Variants in PRSS38 observed in about 807,000 individuals in gnomAD.
The protein encoded by PRSS38 is marapsin 2.
Under a neutral mutation model 26.8 loss-of-function variants are expected in PRSS38, and 22 were observed. The observed-to-expected ratio is 0.82, with a 90% CI of 0.59 to 1.17. The LOEUF (loss-of-function observed/expected upper bound fraction) is 1.17. Ranked by LOEUF, PRSS38 falls within the 50% of genes most tolerant of loss-of-function variation. The pLI is 0.00. For missense variants in PRSS38, 427 were observed against 422.7 expected (o/e 1.01, Z -0.09); for synonymous variants, 175 against 172.1 (o/e 1.02, Z -0.13).
At chr1:227,819,994 T>A (rs1328618595) in intron 3 of PRSS38, among the ~76,000 whole-genome samples, 2 of 140,422 alleles carry the variant, frequency 1.4e-5, no homozygotes, top group Non-Finnish European at 3.0e-5. Flanking sequence ...GAGGCTGAGG[T>A]AAGAGAATCA....
intron 3 of PRSS38, among the ~76,000 whole-genome samples, chr1:227,841,229 C>T (rs1377987055): frequency 1.3e-5 from 2 of 152,238 alleles, no homozygotes; most frequent in African/African-American, 4.8e-5. Context: ...CTGGACTCTG[C>T]CCCATGCAAC....
chr1:227,815,879 A>G lies in PRSS38; in HGVS notation c.148+15A>G, dbSNP rs917649503. ...TGGCAGCGTGGGTAGGCCCTGCCCC[A>G]GGGGCGGATGGGCGGCTGGAGACAG... On this transcript the variant is annotated intron_variant, in intron 1 of 4. Transcript: ENST00000366757. The G allele has an allele frequency of 6.3e-7, 1 of 1,590,236 alleles. No individual in the cohort carries two copies. The highest frequency in any genetic ancestry group is 8.6e-7 in the Non-Finnish European group (1 of 1,163,952).
Position 227,816,028 on chromosome 1 carries a change from G to T in PRSS38, c.149-62G>T, listed in dbSNP as rs1422309221. The T allele has an allele frequency of 1.3e-6, 2 of 1,527,952 alleles. No individual in the cohort carries two copies. Among genetic ancestry groups the T allele is most frequent in the African/African-American group, 2.8e-5 (2 of 70,316 alleles). The allele number at this position is 1,527,952 out of a possible 1,614,324, so 94.6% of individuals were successfully genotyped here. On this transcript the variant is annotated intron_variant, in intron 1 of 4. Transcript: ENST00000366757. This position sits in a 1 kb window ranked among gnomAD's most constrained non-coding sequence, Gnocchi z 5.1. ...CCCCTGCCCCTCCCCCACGTCCCCT[G>T]CCTGCCCTACCTCTCCCGTGGCCCC...
At chr1:227,841,611 T>G (rs1665338971) in intron 3 of PRSS38, among the ~76,000 whole-genome samples, 1 of 152,244 alleles carries the variant, frequency 6.6e-6, no homozygotes. Context: ...TTGGCATGAA[T>G]GCTGCTTTAA....
chr1:227,816,356 G>A lies in PRSS38; in HGVS notation c.311+104G>A, dbSNP rs369232751. ...GCAAGCCTCCCCCATCACCATTGTC[G>A]ACTCCCTTCACCACTGTCGACCCGC... On this transcript the variant is annotated intron_variant, in intron 2 of 4. Transcript: ENST00000366757. The surrounding 1 kb of genome is among the most constrained non-coding windows in gnomAD (Gnocchi z 5.1). The A allele has an allele frequency of 2.8e-4, 366 of 1,292,816 alleles. 6 individuals are homozygous for A. In the South Asian group the frequency reaches 4.0e-3, roughly 14 times the overall value. The allele number at this position is 1,292,816 out of a possible 1,614,324, so 80.1% of individuals were successfully genotyped here. A position where few individuals can be genotyped will look rare whatever the true frequency, so the allele number is the denominator to read the frequency against.
At chr1:227,844,368 G>A (rs979607826) in intron 3 of PRSS38, among the ~76,000 whole-genome samples, 9 of 152,090 alleles carry the variant, frequency 5.9e-5, no homozygotes, top group Non-Finnish European at 1.2e-4. Context: ...CTGTGAGTGG[G>A]CAAAGCTTCT....
rs1306402937 is a variant in PRSS38 at position 227,815,792 on chromosome 1, GC to G, written c.80del (p.Pro27LeufsTer19). 1.2e-6 allele frequency: 2 copies of G among 1,612,288 alleles called. No individual in the cohort carries two copies. The highest frequency in any genetic ancestry group is 1.3e-5 in the African/African-American group (1 of 74,878). ...CCTTCTGCTGCTGCTCCTGGTGGTG[GC>G]CCCTCCCCGGGTCGCAGCATTGGTC... On this transcript the variant is annotated frameshift_variant, in exon 1 of 5. Coordinates refer to ENST00000366757, the Ensembl canonical transcript of PRSS38. LOFTEE classifies it high-confidence loss of function.
chr1:227,841,216 G>A (rs1314272566), intron 3 of PRSS38, among the ~76,000 whole-genome samples: 1 of 152,236 alleles, frequency 6.6e-6, no homozygotes, highest in Admixed American at 6.5e-5. Context: ...CTGAGCTGGG[G>A]GGCTGGACTC....
At chr1:227,839,304 GAAATA>G (rs541127665) in intron 3 of PRSS38, among the ~76,000 whole-genome samples, 48 of 151,968 alleles carry the variant, frequency 3.2e-4, no homozygotes, top group South Asian at 4.1e-4. Context: ...TACAAAAAAG[GAAATA>G]AAATAAAATA....
intron 3 of PRSS38, among the ~76,000 whole-genome samples, chr1:227,830,197 T>C (rs983266748): frequency 6.6e-6 from 1 of 152,168 alleles, no homozygotes; most frequent in Non-Finnish European, 1.5e-5. Context: ...GTTAATACTT[T>C]GTTAAAGATT....
chr1:227,820,496 T>C (rs1313420832), intron 3 of PRSS38, among the ~76,000 whole-genome samples: 2 of 152,218 alleles, frequency 1.3e-5, no homozygotes, highest in African/African-American at 4.8e-5. Flanking sequence ...GAGATGATCC[T>C]ATGTTGTCTT....
At position 227,816,347 on chromosome 1, in the gene PRSS38, A is replaced by G; in HGVS notation, c.311+95A>G. The G allele has an allele frequency of 7.6e-7, 1 of 1,322,452 alleles. No homozygotes were observed. The highest frequency in any genetic ancestry group is 1.0e-6 in the Non-Finnish European group (1 of 955,026). 81.9% of individuals were successfully genotyped at this position (1,322,452 alleles called of 1,614,324 possible). A position where few individuals can be genotyped will look rare whatever the true frequency, so the allele number is the denominator to read the frequency against. ...GGACCCCACGCAAGCCTCCCCCATC[A>G]CCATTGTCGACTCCCTTCACCACTG... On this transcript the variant is annotated intron_variant, in intron 2 of 4. Coordinates refer to ENST00000366757, the Ensembl canonical transcript of PRSS38. The surrounding 1 kb of genome is among the most constrained non-coding windows in gnomAD (Gnocchi z 5.1).
chr1:227,838,361 G>T (rs761766760), intron 3 of PRSS38, among the ~76,000 whole-genome samples: 5 of 152,182 alleles, frequency 3.3e-5, no homozygotes, highest in African/African-American at 9.7e-5. Flanking sequence ...TCCATGTGTG[G>T]CCCCCGCTGG....
At chr1:227,831,201 T>C (rs1665148381) in intron 3 of PRSS38, among the ~76,000 whole-genome samples, 1 of 152,198 alleles carries the variant, frequency 6.6e-6, no homozygotes, top group Non-Finnish European at 1.5e-5. Flanking sequence ...TTTTAAATGC[T>C]TCCCACAAAT....
intron 3 of PRSS38, among the ~76,000 whole-genome samples, chr1:227,826,707 C>T (rs1362703461): frequency 6.6e-6 from 1 of 151,774 alleles, no homozygotes; most frequent in African/African-American, 2.4e-5. Flanking sequence ...CAGAGTGAAC[C>T]TCCATCTCAA....
At chr1:227,845,760 C>A in intron 4 of PRSS38, 148 bp downstream of exon 4, 1 of 1,193,344 alleles carries the variant, frequency 8.4e-7, no homozygotes, top group Non-Finnish European at 1.2e-6. Context: ...AATGTGTGAA[C>A]GCCGCATGCC....
intron 3 of PRSS38, among the ~76,000 whole-genome samples, chr1:227,834,421 C>T (rs1049482957): frequency 6.6e-6 from 1 of 151,994 alleles, no homozygotes; most frequent in Non-Finnish European, 1.5e-5. Flanking sequence ...ATAATCCCAA[C>T]AGTTTGGGAG....
intron 3 of PRSS38, among the ~76,000 whole-genome samples, chr1:227,835,113 A>G (rs1278733163): frequency 6.6e-6 from 1 of 152,204 alleles, no homozygotes; most frequent in Non-Finnish European, 1.5e-5. Context: ...TAGGAAACAC[A>G]AGACAGAACC....
At chr1:227,837,566 C>A (rs1665256171) in intron 3 of PRSS38, among the ~76,000 whole-genome samples, 1 of 152,148 alleles carries the variant, frequency 6.6e-6, no homozygotes, top group Admixed American at 6.5e-5. Flanking sequence ...ACTTACTGTG[C>A]AAGTCTTTTG....
Sources: allele counts gnomAD v4.1 joint callset (sites outside exome capture counted in the v4.1 genomes callset), GRCh38; gene constraint gnomAD v4.1.1; non-coding constraint Gnocchi (gnomAD v3.1); transcripts MANE v1.5; gene names NCBI Gene and HGNC (gene_info 2026-07-23, HGNC 2026-07-21).